Variants in PAPOLG observed in about 807,000 individuals in gnomAD.
PAPOLG encodes the protein PAP-gamma.
PAPOLG carries 40 observed loss-of-function variants against 99.0 expected under a neutral mutation model. That is an observed-to-expected ratio of 0.40 (90% CI 0.31 to 0.53). PAPOLG has a LOEUF of 0.53. Ranked by LOEUF, PAPOLG falls within the 20% of genes least tolerant of loss-of-function variation. The pLI is 0.41. For missense variants in PAPOLG, 675 were observed against 884.1 expected, an observed-to-expected ratio of 0.76 and a Z score of 3.00; for synonymous variants, 310 against 299.3, an observed-to-expected ratio of 1.04 and a Z score of -0.37.
At chr2:60,773,128 T>A (rs951728058) in intron 7 of PAPOLG, among the ~76,000 whole-genome samples, 1 of 152,176 alleles carries the variant, frequency 6.6e-6, no homozygotes, top group African/African-American at 2.4e-5. Flanking sequence ...GGTTTCTCCA[T>A]GTTGGTCAGG....
At chr2:60,788,612 G>A (rs375131711) in intron 15 of PAPOLG, among the ~76,000 whole-genome samples, 1 of 152,062 alleles carries the variant, frequency 6.6e-6, no homozygotes, top group Admixed American at 6.6e-5. Flanking sequence ...GAGCCACCTC[G>A]CCTGGCTGAA....
intron 3 of PAPOLG, among the ~76,000 whole-genome samples, chr2:60,763,959 T>C (rs2103762802): frequency 6.6e-6 from 1 of 152,136 alleles, no homozygotes; most frequent in South Asian, 2.1e-4. Context: ...CACGCCACCA[T>C]GCCCAGCTAA....
At chr2:60,768,718 T>C (rs1345781554) in intron 4 of PAPOLG, 63 bp from the exon 5 acceptor site, 1 of 1,412,656 alleles carries the variant, frequency 7.1e-7, no homozygotes, top group East Asian at 2.5e-5. Context: ...TATGTTTGTG[T>C]GTACTTTAAC....
intron 18 of PAPOLG, 35 bp downstream of exon 18, chr2:60,793,750 A>G: frequency 6.4e-7 from 1 of 1,571,324 alleles, no homozygotes; most frequent in Non-Finnish European, 8.6e-7. Flanking sequence ...TAATAATTAT[A>G]TTTACAAAAA....
intron 18 of PAPOLG, 35 bp from the exon 19 acceptor site, chr2:60,793,936 T>C (rs1003957726): frequency 1.3e-6 from 2 of 1,581,106 alleles, no homozygotes; most frequent in African/African-American, 2.7e-5. Flanking sequence ...ATTACATAAA[T>C]GTTTAATTAT....
intron 1 of PAPOLG, among the ~76,000 whole-genome samples, chr2:60,758,279 C>T (rs1670410483): frequency 7.2e-6 from 1 of 139,860 alleles, no homozygotes; most frequent in Non-Finnish European, 1.5e-5. Context: ...GTTTGTTCTA[C>T]AACAAAATAA....
intron 8 of PAPOLG, among the ~76,000 whole-genome samples, chr2:60,775,763 T>C (rs1249926319): frequency 2.5e-5 from 1 of 40,280 alleles, no homozygotes; most frequent in Non-Finnish European, 6.0e-5. Context: ...TACTGTAGTC[T>C]TTTTTTTTTT....
At chr2:60,793,820 A>AGGGTC in intron 18 of PAPOLG, 105 bp downstream of exon 18, 1 of 1,453,026 alleles carries the variant, frequency 6.9e-7, no homozygotes, top group Non-Finnish European at 9.3e-7. Flanking sequence ...CTAAGGTGGG[A>AGGGTC]GGGTCACCTG....
chr2:60,794,738 A>C lies in PAPOLG; in HGVS notation c.2018A>C (p.Asp673Ala). ...KFIRLESTFK[D>A]PRTAEERKRK... ...ATTCGACTTGAATCAACATTTAAGG[A>C]CCCCCGCACTGCTGAAGAAAGAAAA... Residue 673 changes from aspartate (D) to alanine (A), a missense_variant, in exon 20 of 22, where the codon GAC becomes GCC. Coordinates refer to ENST00000238714, the MANE Select transcript of PAPOLG (RefSeq NM_022894.4). 1 of 1,611,222 alleles carries C rather than the reference A, an allele frequency of 6.2e-7. No individual in the cohort carries two copies. The highest frequency in any genetic ancestry group is 1.1e-5 in the South Asian group (1 of 90,962).
At chr2:60,787,961 G>C (rs1204154075) in intron 15 of PAPOLG, among the ~76,000 whole-genome samples, 1 of 151,798 alleles carries the variant, frequency 6.6e-6, no homozygotes, top group African/African-American at 2.4e-5. Context: ...AAAATTGCTT[G>C]AACCTGGGAG....
intron 15 of PAPOLG, among the ~76,000 whole-genome samples, chr2:60,790,924 A>G (rs1351062862): frequency 1.3e-5 from 2 of 152,082 alleles, no homozygotes; most frequent in Non-Finnish European, 2.9e-5. Flanking sequence ...CCCTGTCTCT[A>G]CAAAAAATCC....
At chr2:60,786,065 A>C (rs1372091545) in intron 13 of PAPOLG, among the ~76,000 whole-genome samples, 1 of 152,186 alleles carries the variant, frequency 6.6e-6, no homozygotes, top group African/African-American at 2.4e-5. Flanking sequence ...GGGGTTCCTA[A>C]TATATTGGGC....
chr2:60,779,703 G>A lies in PAPOLG; in HGVS notation c.761G>A (p.Arg254Lys). 1 of 1,614,080 alleles carries A rather than the reference G, an allele frequency of 6.2e-7. No homozygotes were observed. The highest frequency in any genetic ancestry group is 2.2e-5 in the East Asian group (1 of 44,874). Residue 254 changes from arginine to lysine, a missense_variant, in exon 9 of 22, where the codon AGA becomes AAA. Arg to Lys is a conservative substitution (Grantham distance 26, BLOSUM62 2). Coordinates refer to ENST00000238714, the MANE Select transcript of PAPOLG (RefSeq NM_022894.4). ...GTCTCCTGGGCAATGCTAGTTGCAA[G>A]AACTTGCCAATTGTATCCAAATGCA... ...GGVSWAMLVA[R>K]TCQLYPNAAA...
Position 60,756,329 on chromosome 2 carries a change from C to T in PAPOLG, c.-150C>T, listed in dbSNP as rs915417652. ...CCGGTTTTGTGGTGTTTTCACTACTCGGTTGGATGCCTCAGCCATAGTAAG... is the reference window on the plus strand; with the variant it reads ...CCGGTTTTGTGGTGTTTTCACTACTTGGTTGGATGCCTCAGCCATAGTAAG... On this transcript the variant is annotated 5_prime_UTR_variant, in exon 1 of 22. Transcript: ENST00000238714. 4 of 924,734 alleles carry T rather than the reference C, an allele frequency of 4.3e-6. No homozygotes were observed. Among genetic ancestry groups the T allele is most frequent in the African/African-American group, 1.6e-5 (1 of 61,026 alleles). 57.3% of individuals were successfully genotyped at this position (924,734 alleles called of 1,614,324 possible).
At chr2:60,770,410 A>T in intron 5 of PAPOLG, 48 bp from the exon 6 acceptor site, 2 of 1,497,070 alleles carry the variant, frequency 1.3e-6, no homozygotes, top group Non-Finnish European at 1.8e-6. Flanking sequence ...TAGGAAGGAT[A>T]AAGAAGGGAT....
intron 10 of PAPOLG, 29 bp from the exon 11 acceptor site, chr2:60,781,856 G>T (rs1458528687): frequency 6.2e-7 from 1 of 1,613,232 alleles, no homozygotes; most frequent in East Asian, 2.2e-5. Flanking sequence ...TAGGAGAATA[G>T]ATCAGTTATT....
intron 21 of PAPOLG, chr2:60,795,305 C>A: frequency 1.8e-6 from 1 of 543,460 alleles, no homozygotes; most frequent in Non-Finnish European, 3.5e-6. Flanking sequence ...GTTGGATGCT[C>A]AGCACATTAA....
At chr2:60,780,555 C>T in intron 9 of PAPOLG, 152 bp from the exon 10 acceptor site, 1 of 684,190 alleles carries the variant, frequency 1.5e-6, no homozygotes, top group East Asian at 2.9e-5. Flanking sequence ...GGATTACAGG[C>T]ATGAGCCACC....
rs1670481301 is a variant in PAPOLG at position 60,760,182 on chromosome 2, C to G, written c.66C>G (p.Thr22=). The change falls in exon 2 of 22, where the codon ACC becomes ACG. Residue 22 remains threonine, a synonymous_variant. Coordinates refer to ENST00000238714, the MANE Select transcript of PAPOLG (RefSeq NM_022894.4). Reference sequence around the variant, plus strand: ...GTCAACAAAAGCATTATGGAATTACCTCCCCAATTAGTTTGGCATCTCCTA... The same window carrying G: ...GTCAACAAAAGCATTATGGAATTACGTCCCCAATTAGTTTGGCATCTCCTA... ...SQRQQKHYGI[T]SPISLASPKE... The G allele has an allele frequency of 6.2e-7, 1 of 1,613,754 alleles. No individual in the cohort carries two copies. Among genetic ancestry groups the G allele is most frequent in the Admixed American group, 1.7e-5 (1 of 59,974 alleles).
Sources: allele counts gnomAD v4.1 joint callset (sites outside exome capture counted in the v4.1 genomes callset), GRCh38; gene constraint gnomAD v4.1.1; transcripts MANE v1.5; gene names NCBI Gene and HGNC (gene_info 2026-07-23, HGNC 2026-07-21).